The following RHOBTB1 variants were observed in gnomAD, a reference collection of about 807,000 sequenced individuals.
RHOBTB1 encodes Rho related BTB domain containing 1, also known as rho-related BTB domain-containing protein 1.
A neutral mutation model predicts 71.6 loss-of-function variants in RHOBTB1; 40 were observed. The ratio of observed to expected loss-of-function variants is 0.56; its 90% confidence interval spans 0.43 to 0.73. The LOEUF is 0.73. Among genes scored for constraint, RHOBTB1 ranks in the 30% least tolerant of loss-of-function variants. The probability of loss-of-function intolerance (pLI) is 0.00; values close to 1 mark genes in which losing one functional copy is unlikely to be tolerated. For missense variants in RHOBTB1, 797 were observed against 894.0 expected (o/e 0.89, Z 1.38); for synonymous variants, 319 against 334.9 (o/e 0.95, Z 0.52).
chr10:60,872,454 A>G (rs975050965), intron 9 of RHOBTB1, among the ~76,000 whole-genome samples, 164 bp from the exon 10 acceptor site: 26 of 152,208 alleles, frequency 1.7e-4, no homozygotes, highest in African/African-American at 6.0e-4. Context: ...CCATGGCTCC[A>G]ATGCCAGCCA....
At chr10:60,957,939 C>G (rs114249746) in intron 2 of RHOBTB1, among the ~76,000 whole-genome samples, 2 of 152,126 alleles carry the variant, frequency 1.3e-5, no homozygotes, top group African/African-American at 4.8e-5. Flanking sequence ...AAATGAAACT[C>G]AAATTCACAA....
In RHOBTB1 at chr10:60,923,103, A is replaced by G. The variant is rs529859689; in HGVS notation, c.-10-11551T>C. On this transcript the variant is annotated intron_variant, in intron 2 of 10. Coordinates refer to ENST00000337910, the MANE Select transcript of RHOBTB1 (RefSeq NM_014836.5). ...TCACAGAGCCTATGGTTATCCAAGT[A>G]TTTGGAATATACTTCAATCCTTGGC... is the stretch of plus-strand genomic sequence containing the variant. Among the ~76,000 whole-genome samples the G allele has an allele frequency of 6.6e-5, 10 of 152,332 alleles. No individual in the cohort carries two copies. The South Asian group carries it at 2.1e-3, about 32-fold the overall frequency.
intron 8 of RHOBTB1, 41 bp downstream of exon 8, chr10:60,877,867 A>T (rs776593956): frequency 7.0e-6 from 11 of 1,564,062 alleles, no homozygotes; most frequent in Non-Finnish European, 9.5e-6. Context: ...GATTTTGACA[A>T]ATATGACAGA....
chr10:60,889,263 T>A, intron 5 of RHOBTB1, 78 bp from the exon 6 acceptor site: 3 of 1,402,810 alleles, frequency 2.1e-6, no homozygotes, highest in Non-Finnish European at 2.9e-6. Context: ...TCTAAGCACC[T>A]AATGGAACTA....
chr10:60,976,006 A>T (rs1332642540), intron 2 of RHOBTB1, among the ~76,000 whole-genome samples: 2 of 152,072 alleles, frequency 1.3e-5, no homozygotes, highest in East Asian at 3.9e-4. Flanking sequence ...AGTGATATAA[A>T]TTCACAGTTC....
intron 4 of RHOBTB1, among the ~76,000 whole-genome samples, chr10:60,904,469 G>A (rs10994567): frequency 0.15 from 23,393 of 151,930 alleles, 2,063 homozygotes; most frequent in African/African-American, 0.23. Flanking sequence ...TCTACTTTCC[G>A]TCACTATAGA....
intron 4 of RHOBTB1, among the ~76,000 whole-genome samples, chr10:60,894,516 C>T (rs7099056): frequency 0.29 from 44,526 of 152,096 alleles, 6,753 homozygotes; most frequent in East Asian, 0.58. Context: ...ATATTCTGCG[C>T]TCAGTCTTAC....
intron 6 of RHOBTB1, among the ~76,000 whole-genome samples, chr10:60,887,828 G>C (rs1363369232): frequency 6.6e-6 from 1 of 152,166 alleles, no homozygotes; most frequent in African/African-American, 2.4e-5. Context: ...TATGCAACAA[G>C]CCCACTGGAG....
At chr10:60,970,963 G>A (rs1333247415) in intron 2 of RHOBTB1, among the ~76,000 whole-genome samples, 1 of 151,904 alleles carries the variant, frequency 6.6e-6, no homozygotes, top group Non-Finnish European at 1.5e-5. Context: ...TTTTATTTCG[G>A]TAAAACTTCA....
At chr10:60,871,682 C>T in intron 10 of RHOBTB1, 31 bp from the exon 11 acceptor site, 3 of 1,603,914 alleles carry the variant, frequency 1.9e-6, no homozygotes, top group Non-Finnish European at 1.7e-6. Context: ...ACCATAAGAC[C>T]TGCGGTTCAT....
At chr10:60,989,644 C>A (rs1336664485) in intron 1 of RHOBTB1, among the ~76,000 whole-genome samples, 1 of 152,200 alleles carries the variant, frequency 6.6e-6, no homozygotes, top group Non-Finnish European at 1.5e-5. Flanking sequence ...GTTTCCTGTG[C>A]TGAGACAGTG....
At chr10:60,909,560 T>C (rs1337225115) in intron 4 of RHOBTB1, among the ~76,000 whole-genome samples, 3 of 152,168 alleles carry the variant, frequency 2.0e-5, no homozygotes, top group Non-Finnish European at 4.4e-5. Flanking sequence ...CTCAAAACCA[T>C]AGGTGTTACA....
rs775853822 is a variant in RHOBTB1 at position 60,936,019 on chromosome 10, ATTAAACT to A, written c.-11+5778_-11+5784del. On this transcript the variant is annotated intron_variant, in intron 2 of 10. Coordinates refer to ENST00000337910, the MANE Select transcript of RHOBTB1 (RefSeq NM_014836.5). ...TAATTTAACAGTGTTAATAATGGAG[ATTAAACT>A]TTAAAGTGTGCTATATGTGTAGGTG... 3.3e-5 allele frequency among the ~76,000 whole-genome samples: 5 copies of A among 152,334 alleles called. No individual in the cohort carries two copies. The East Asian group carries it at 7.7e-4, about 23-fold the overall frequency.
At chr10:60,986,415 A>ATAT (rs1324426562) in intron 1 of RHOBTB1, among the ~76,000 whole-genome samples, 5 of 144,376 alleles carry the variant, frequency 3.5e-5, no homozygotes, top group East Asian at 2.1e-4. Flanking sequence ...ATATATATAT[A>ATAT]TATATATATA....
chr10:60,869,164 T>TC (rs1185164382), downstream of RHOBTB1, among the ~76,000 whole-genome samples: 1 of 152,172 alleles, frequency 6.6e-6, no homozygotes, highest in Non-Finnish European at 1.5e-5. Context: ...TTCTAGTTTC[T>TC]CCCCCAACCC....
chr10:60,893,107 A>G, intron 4 of RHOBTB1, 112 bp from the exon 5 acceptor site: 2 of 498,784 alleles, frequency 4.0e-6, no homozygotes, highest in East Asian at 5.6e-5. Flanking sequence ...GTCACAATTA[A>G]AAAAAAAAAA....
At position 60,871,624 on chromosome 10, in the gene RHOBTB1, C is replaced by T. The variant is rs1484828070; in HGVS notation, c.1949G>A (p.Arg650His). 4 of 1,613,946 alleles carry T rather than the reference C, an allele frequency of 2.5e-6. No homozygotes were observed. The highest frequency in any genetic ancestry group is 1.7e-5 in the Admixed American group (1 of 60,004). Residue 650 changes from arginine to histidine, a missense_variant, in exon 11 of 11, where the codon CGC becomes CAC. Transcript: ENST00000337910. ...ADNQEYFERH[R>H]WPPVWYLKEE... ...CTTCAGGTACCACACAGGGGGCCAG[C>T]GGTGCCGCTCGAAGTATTCCTGGTT...
At chr10:60,929,468 A>G (rs547895636) in intron 2 of RHOBTB1, among the ~76,000 whole-genome samples, 4 of 152,202 alleles carry the variant, frequency 2.6e-5, no homozygotes, top group African/African-American at 9.6e-5. Context: ...GAAACTGCTC[A>G]AAGATACTAG....
At chr10:60,925,579 G>C (rs10430493) in intron 2 of RHOBTB1, among the ~76,000 whole-genome samples, 1 of 151,564 alleles carries the variant, frequency 6.6e-6, no homozygotes, top group African/African-American at 2.4e-5. Flanking sequence ...AATAAAGATC[G>C]GAGCAGAAAT....
Sources: allele counts gnomAD v4.1 joint callset (sites outside exome capture counted in the v4.1 genomes callset), GRCh38; gene constraint gnomAD v4.1.1; transcripts MANE v1.5; gene names NCBI Gene and HGNC (gene_info 2026-07-23, HGNC 2026-07-21).